SPAG17: variants seen among roughly 807,000 people sequenced by gnomAD.
SPAG17 encodes sperm-associated antigen 17.
A neutral mutation model predicts 273.6 loss-of-function variants in SPAG17; 169 were observed. The ratio of observed to expected loss-of-function variants is 0.62; its 90% CI spans 0.55 to 0.70. The LOEUF is 0.70. Ranked by LOEUF, SPAG17 falls within the 30% of genes least tolerant of loss-of-function variation. The pLI is 0.00. For synonymous variants in SPAG17, 825 were observed against 873.2 expected (o/e 0.94, Z 0.97); for missense variants, 2,557 against 2,627.8 (o/e 0.97, Z 0.59).
rs369683182 is a variant in SPAG17, at chr1:118,088,250, G to A, written c.1360-1242C>T. Among the ~76,000 whole-genome samples, 6 of 152,104 alleles carry A rather than the reference G, an allele frequency of 3.9e-5. No homozygotes were observed. In the South Asian group the frequency reaches 1.0e-3, roughly 26 times the overall value. On this transcript the variant is annotated intron_variant, in intron 10 of 48. Coordinates refer to ENST00000336338, the MANE Select transcript of SPAG17 (RefSeq NM_206996.4). ...ATCCCCTTATTATTATTAAGCCTTC[G>A]TTCATTCAACATGGATCTACTGGTT...
chr1:117,954,007 G>T lies in SPAG17; in HGVS notation c.*43C>A. The T allele has an allele frequency of 6.2e-7, 1 of 1,609,756 alleles. No homozygotes were observed. Among genetic ancestry groups the T allele is most frequent in the Non-Finnish European group, 8.5e-7 (1 of 1,177,522 alleles). ...TTCTTTCCTTTCTCATCCTCTGTAG[G>T]CTGAGAGGATTATGGAGGCTATTGA... On this transcript the variant is annotated 3_prime_UTR_variant, in exon 49 of 49. Transcript: ENST00000336338.
At chr1:118,041,005 T>C (rs1420177291) in intron 21 of SPAG17, among the ~76,000 whole-genome samples, 164 bp from the exon 22 acceptor site, 1 of 152,146 alleles carries the variant, frequency 6.6e-6, no homozygotes, top group African/African-American at 2.4e-5. Context: ...TTTAGAAACA[T>C]CTATGGTGTT....
intron 3 of SPAG17, among the ~76,000 whole-genome samples, chr1:118,126,047 T>TTG (rs1010529444): frequency 4.7e-5 from 7 of 150,224 alleles, no homozygotes; most frequent in Admixed American, 2.0e-4. Flanking sequence ...TTTTCTGTTT[T>TTG]TTTTTTTTTT....
intron 48 of SPAG17, chr1:117,963,166 G>C (rs1653329818): frequency 6.6e-6 from 1 of 152,200 alleles, no homozygotes; most frequent in African/African-American, 2.4e-5. Context: ...GGGCCTGGCA[G>C]TGTTGCCCTT....
At chr1:118,060,850 G>A (rs966181786) in intron 18 of SPAG17, among the ~76,000 whole-genome samples, 11 of 151,960 alleles carry the variant, frequency 7.2e-5, no homozygotes, top group Admixed American at 3.3e-4. Context: ...TCCTGAATTC[G>A]TCATGTTCCT....
chr1:118,093,359 C>G, intron 7 of SPAG17, 42 bp from the exon 8 acceptor site: 1 of 1,556,872 alleles, frequency 6.4e-7, no homozygotes, highest in Admixed American at 1.9e-5. Context: ...ACTAGTTTTA[C>G]ACTGTTGGAA....
At chr1:118,053,897 T>TCTTCCCAATCACTATCCACTC (rs1557962255) in intron 20 of SPAG17, 105 bp downstream of exon 20, 2 of 729,222 alleles carry the variant, frequency 2.7e-6, no homozygotes, top group South Asian at 4.0e-5. Flanking sequence ...TCTTCATGCT[T>TCTTCCCAATCACTATCCACTC]CTTCCCAATC....
intron 20 of SPAG17, among the ~76,000 whole-genome samples, chr1:118,042,841 C>A (rs997781471): frequency 6.6e-6 from 1 of 152,190 alleles, no homozygotes. Context: ...GAACTACTCC[C>A]ACACTGTGGT....
At position 117,973,413 on chromosome 1, in the gene SPAG17, T is replaced by C. The variant is rs376175432; in HGVS notation, c.6141+12A>G. The C allele has an allele frequency of 6.2e-7, 1 of 1,610,478 alleles. No homozygotes were observed. The highest frequency in any genetic ancestry group is 8.5e-7 in the Non-Finnish European group (1 of 1,178,158). ...ATTGGCTGTGGGGAATTTGTTCCAA[T>C]GTTTGTTTTACCTTTGCAAGAGGTT... On this transcript the variant is annotated intron_variant, in intron 44 of 48. Coordinates refer to ENST00000336338, the MANE Select transcript of SPAG17 (RefSeq NM_206996.4).
chr1:118,036,534 A>G (rs1649095049), intron 24 of SPAG17: 2 of 231,180 alleles, frequency 8.7e-6, no homozygotes, highest in Non-Finnish European at 7.6e-6. Flanking sequence ...TAAAATGTCA[A>G]AGCATTTTTA....
intron 22 of SPAG17, 46 bp from the exon 23 acceptor site, chr1:118,039,490 C>T (rs774663919): frequency 1.3e-6 from 2 of 1,585,264 alleles, no homozygotes; most frequent in South Asian, 2.2e-5. Context: ...TAGGATGCCA[C>T]ATTAAGCTCC....
chr1:117,962,264 A>G (rs890403919), intron 48 of SPAG17: 22 of 152,028 alleles, frequency 1.4e-4, no homozygotes, highest in Admixed American at 2.0e-4. Context: ...AATACTTGAA[A>G]CTCTTTAACT....
At chr1:118,147,740 T>G (rs1278949919) in intron 3 of SPAG17, among the ~76,000 whole-genome samples, 3 of 152,320 alleles carry the variant, frequency 2.0e-5, no homozygotes. Flanking sequence ...CACAACACCA[T>G]GCCATCCAAA....
chr1:118,174,406 C>T (rs146590988), intron 1 of SPAG17, among the ~76,000 whole-genome samples: 309 of 152,048 alleles, frequency 2.0e-3, no homozygotes, highest in African/African-American at 7.1e-3. Flanking sequence ...CGAAGACAGA[C>T]CATTTGAAAT....
At chr1:118,103,756 G>C (rs1656215012) in intron 4 of SPAG17, among the ~76,000 whole-genome samples, 1 of 151,882 alleles carries the variant, frequency 6.6e-6, no homozygotes, top group African/African-American at 2.4e-5. Flanking sequence ...TCATAAGTAG[G>C]TGATGAAGGA....
At chr1:117,981,224 T>TA in intron 43 of SPAG17, 46 bp downstream of exon 43, 1 of 1,521,984 alleles carries the variant, frequency 6.6e-7, no homozygotes, top group Non-Finnish European at 8.7e-7. Context: ...CAAAAAGACA[T>TA]AATGTTCAGT....
intron 32 of SPAG17, among the ~76,000 whole-genome samples, chr1:118,004,831 A>C (rs1004598543): frequency 3.3e-5 from 5 of 152,140 alleles, no homozygotes; most frequent in Non-Finnish European, 7.4e-5. Context: ...CCACTGTCCA[A>C]CTGGTCCCAG....
chr1:118,091,468 C>G, intron 10 of SPAG17, 138 bp downstream of exon 10: 1 of 580,396 alleles, frequency 1.7e-6, no homozygotes, highest in Non-Finnish European at 3.1e-6. Flanking sequence ...TTAGTTTCAT[C>G]TGAACTATTC....
chr1:118,182,197 A>G (rs945444181), intron 1 of SPAG17, among the ~76,000 whole-genome samples: 13 of 152,236 alleles, frequency 8.5e-5, no homozygotes, highest in Non-Finnish European at 1.6e-4. Flanking sequence ...TCACAAAAAG[A>G]CAAATACTAC....
Sources: gnomAD v4.1 joint callset for allele counts (sites outside exome capture counted in the v4.1 genomes callset) on GRCh38, gnomAD v4.1.1 for gene constraint, MANE v1.5 for transcripts, NCBI Gene and HGNC (gene_info 2026-07-23, HGNC 2026-07-21) for gene names.